The following TLE1 variants were observed in gnomAD, a reference collection of about 807,000 sequenced individuals.
TLE1 encodes the protein TLE family member 1, transcriptional corepressor.
Under a neutral mutation model 89.8 loss-of-function variants are expected in TLE1, and 21 were observed. That is an observed-to-expected ratio of 0.23 (90% CI 0.17 to 0.34). TLE1 has a LOEUF of 0.34. TLE1 is among the 10% of genes least tolerant of loss of function. The pLI, the probability that TLE1 is intolerant of heterozygous loss-of-function variation, is 1.00. For missense variants in TLE1, 795 were observed against 1,031.2 expected (o/e 0.77, Z 3.14); for synonymous variants, 447 against 407.6 (o/e 1.10, Z -1.16).
At chr9:81,640,753 G>T (rs1828005186) in intron 6 of TLE1, among the ~76,000 whole-genome samples, 1 of 152,164 alleles carries the variant, frequency 6.6e-6, no homozygotes, top group Non-Finnish European at 1.5e-5. Context: ...CATTCAGAGT[G>T]TTACTGTAAT....
Position 81,628,288 on chromosome 9 carries a change from C to T in TLE1, c.594+5060G>A, listed in dbSNP as rs539866452. Reference sequence around the variant, plus strand: ...CTACTATCACCATTTATAGATGGGACTAGGAAGGCACAAAAGGATGAAAAA... The same window carrying T: ...CTACTATCACCATTTATAGATGGGATTAGGAAGGCACAAAAGGATGAAAAA... On this transcript the variant is annotated intron_variant, in intron 8 of 19. Transcript: ENST00000376499. 7.2e-5 allele frequency among the ~76,000 whole-genome samples: 11 copies of T among 152,230 alleles called. No homozygotes were observed. In the South Asian group the frequency reaches 1.9e-3, roughly 26 times the overall value.
Position 81,634,129 on chromosome 9 carries a change from T to G in TLE1, c.545A>C (p.Asp182Ala), listed in dbSNP as rs758385324. The G allele has an allele frequency of 6.2e-7, 1 of 1,609,084 alleles. No homozygotes were observed. The highest frequency in any genetic ancestry group is 1.7e-5 in the Admixed American group (1 of 59,638). ...SGQSHLAIKDDKKHHDAEHHR... is the reference protein window; with the variant it reads ...SGQSHLAIKDAKKHHDAEHHR... ...GTGCTCTGCATCGTGGTGCTTCTTGTCATCTTTTATTGCCAAGTGAGACTG... is the reference window on the plus strand; with the variant it reads ...GTGCTCTGCATCGTGGTGCTTCTTGGCATCTTTTATTGCCAAGTGAGACTG... The change falls in exon 7 of 20, where the codon GAC (aspartate) becomes GCC (alanine). Residue 182 changes from aspartate to alanine, a missense_variant. Physicochemically the swap from Asp to Ala is moderately radical, Grantham distance 126 (BLOSUM62 -2). Around this residue, in one of 4 missense-constraint regions of TLE1, gnomAD observed 468 missense variants for 509.1 expected, o/e 0.92. Coordinates refer to ENST00000376499, the MANE Select transcript of TLE1 (RefSeq NM_005077.5).
chr9:81,593,052 C>CT lies in TLE1; in HGVS notation c.1553dup (p.Ser519GlufsTer19). On this transcript the variant is annotated frameshift_variant, in exon 15 of 20. Transcript: ENST00000376499. LOFTEE classifies it high-confidence loss of function. Reference sequence around the variant, plus strand: ...GACAGTCGAGCTGGGAGACAGGGCTCTTATTGCCAGGGTGGCTGATGTCCC... The same window carrying CT: ...GACAGTCGAGCTGGGAGACAGGGCTCTTTATTGCCAGGGTGGCTGATGTCCC... 6.2e-7 allele frequency: 1 copy of CT among 1,613,880 alleles called. No homozygotes were observed. Among genetic ancestry groups the CT allele is most frequent in the Non-Finnish European group, 8.5e-7 (1 of 1,179,786 alleles).
intron 11 of TLE1, among the ~76,000 whole-genome samples, chr9:81,615,747 A>C (rs911109297): frequency 2.0e-5 from 3 of 151,560 alleles, no homozygotes; most frequent in African/African-American, 7.3e-5. Context: ...AAGAAGAAGA[A>C]GGCAATGAAC....
chr9:81,639,210 G>C (rs1827780136), intron 6 of TLE1, among the ~76,000 whole-genome samples: 1 of 149,302 alleles, frequency 6.7e-6, no homozygotes, highest in African/African-American at 2.5e-5. Flanking sequence ...ACAGGTGTGG[G>C]CCACTGTGCC....
chr9:81,665,604 T>C (rs1336920695), intron 4 of TLE1, among the ~76,000 whole-genome samples: 2 of 152,190 alleles, frequency 1.3e-5, no homozygotes, highest in African/African-American at 4.8e-5. Flanking sequence ...TGAGGCAGAT[T>C]GCAGGGGCCT....
At chr9:81,652,122 C>G in intron 6 of TLE1, 92 bp downstream of exon 6, 1 of 1,249,570 alleles carries the variant, frequency 8.0e-7, no homozygotes, top group Non-Finnish European at 1.2e-6. Context: ...CACACACACA[C>G]ACACACACAC....
At chr9:81,661,075 T>C (rs997528001) in intron 4 of TLE1, among the ~76,000 whole-genome samples, 3 of 150,480 alleles carry the variant, frequency 2.0e-5, no homozygotes, top group African/African-American at 4.9e-5. Context: ...TGCAGTGAGC[T>C]GAGATGGCGC....
chr9:81,649,821 T>C (rs932167960), intron 6 of TLE1, among the ~76,000 whole-genome samples: 2 of 152,154 alleles, frequency 1.3e-5, no homozygotes, highest in African/African-American at 2.4e-5. Flanking sequence ...GTCCACTGAA[T>C]TGTCAACCCA....
chr9:81,602,269 G>A (rs545693499), intron 14 of TLE1, among the ~76,000 whole-genome samples: 36 of 152,248 alleles, frequency 2.4e-4, no homozygotes, highest in African/African-American at 7.5e-4. Context: ...AAGCAGGCTG[G>A]GGGGATATTA....
chr9:81,598,004 G>A (rs1830449224), intron 14 of TLE1, among the ~76,000 whole-genome samples: 1 of 152,154 alleles, frequency 6.6e-6, no homozygotes, highest in Admixed American at 6.5e-5. Context: ...AACTGCAGTG[G>A]CAGAATCAAG....
At chr9:81,591,093 A>G in intron 15 of TLE1, 41 bp from the exon 16 acceptor site, 1 of 1,591,038 alleles carries the variant, frequency 6.3e-7, no homozygotes, top group Non-Finnish European at 8.6e-7. Flanking sequence ...TGAATTACCG[A>G]GCAATCATAG....
Position 81,584,190 on chromosome 9 carries a change from T to C in TLE1, c.*8A>G, listed in dbSNP as rs1305296994. ...ATTCAACTATAAACGTTAAACCACA[T>C]AATGTTTTCAGTAGATGACTTCATA... On this transcript the variant is annotated 3_prime_UTR_variant, in exon 20 of 20. Transcript: ENST00000376499. 3 of 1,609,096 alleles carry C rather than the reference T, an allele frequency of 1.9e-6. No homozygotes were observed. The highest frequency in any genetic ancestry group is 2.6e-6 in the Non-Finnish European group (3 of 1,175,544).
In TLE1 at chr9:81,591,004, T is replaced by C. The variant is rs1266133231; in HGVS notation, c.1630A>G (p.Thr544Ala). 1.2e-6 allele frequency: 2 copies of C among 1,614,100 alleles called. No individual in the cohort carries two copies. Among genetic ancestry groups the C allele is most frequent in the Non-Finnish European group, 8.5e-7 (1 of 1,180,050 alleles). Residue 544 changes from threonine (T) to alanine (A), a missense_variant, in exon 16 of 20, where the codon ACT (threonine) becomes GCT (alanine). Physicochemically the swap from Thr to Ala is moderately conservative, Grantham distance 58. Coordinates refer to ENST00000376499, the MANE Select transcript of TLE1 (RefSeq NM_005077.5). ...CTGGCTTCCCCTCCCACTATGAGAGTGCAGCCATCGGGTAGCAATTTACAG... is the reference window on the plus strand; with the variant it reads ...CTGGCTTCCCCTCCCACTATGAGAGCGCAGCCATCGGGTAGCAATTTACAG... ...RSCKLLPDGC[T>A]LIVGGEASTL...
chr9:81,652,142 A>ACACAC, intron 6 of TLE1, 72 bp downstream of exon 6: 9 of 1,041,622 alleles, frequency 8.6e-6, no homozygotes, highest in Non-Finnish European at 9.6e-6. Context: ...CACACACGTA[A>ACACAC]AGCCATCAAA....
chr9:81,647,806 T>C (rs1020560703), intron 6 of TLE1, among the ~76,000 whole-genome samples: 2 of 152,180 alleles, frequency 1.3e-5, no homozygotes, highest in South Asian at 2.1e-4. Flanking sequence ...CCAAGGCCCA[T>C]GCTTTGTCCA....
chr9:81,604,446 C>T lies in TLE1; in HGVS notation c.1331+5774G>A, dbSNP rs187220912. Among the ~76,000 whole-genome samples, 558 of 152,256 alleles carry T rather than the reference C, an allele frequency of 3.7e-3. 2 individuals are homozygous for T. Among genetic ancestry groups the T allele is most frequent in the Non-Finnish European group, 6.2e-3 (421 of 68,016 alleles). On this transcript the variant is annotated intron_variant, in intron 14 of 19. Transcript: ENST00000376499. The stretch of plus-strand genomic sequence containing the variant: ...GTGGAGGTCTCCAAACACTGAAGAG[C>T]TGCCATGAGGATGATAGATTAGCAG...
chr9:81,622,901 G>C (rs1289203130), intron 8 of TLE1, among the ~76,000 whole-genome samples: 1 of 152,158 alleles, frequency 6.6e-6, no homozygotes, highest in African/African-American at 2.4e-5. Flanking sequence ...GCAGCTGCCG[G>C]ACGCCCGGCA....
chr9:81,608,888 G>T (rs1370254745), intron 14 of TLE1, among the ~76,000 whole-genome samples: 1 of 151,244 alleles, frequency 6.6e-6, no homozygotes, highest in African/African-American at 2.4e-5. Flanking sequence ...AGTGAGCCGA[G>T]ATCGCACCAC....
Sources: gnomAD v4.1 joint callset for allele counts (sites outside exome capture counted in the v4.1 genomes callset) on GRCh38, gnomAD v4.1.1 for gene constraint, gnomAD v4.1.1 regional missense constraint, MANE v1.5 for transcripts, NCBI Gene and HGNC (gene_info 2026-07-23, HGNC 2026-07-21) for gene names.